UNC13C: variants seen among roughly 807,000 people sequenced by gnomAD.
The protein encoded by UNC13C is protein unc-13 homolog C.
In UNC13C, 174 loss-of-function variants were observed where a neutral mutation model predicts 245.4. The ratio of observed to expected loss-of-function variants is 0.71; its 90% confidence interval spans 0.63 to 0.80. The LOEUF is 0.80. UNC13C is among the 30% of genes least tolerant of loss of function. The probability of loss-of-function intolerance (pLI) is 0.00; values close to 1 mark genes in which losing one functional copy is unlikely to be tolerated. For synonymous variants in UNC13C, 992 were observed against 895.1 expected (o/e 1.11, Z -1.93); for missense variants, 2,829 against 2,602.9 (o/e 1.09, Z -1.89).
intron 13 of UNC13C, among the ~76,000 whole-genome samples, chr15:54,301,418 C>G (rs1451882684): frequency 6.6e-6 from 1 of 151,766 alleles, no homozygotes; most frequent in Non-Finnish European, 1.5e-5. Context: ...AGGTATTTCT[C>G]CTAATGCTAT....
At chr15:54,119,773 G>T (rs563777731) in intron 2 of UNC13C, among the ~76,000 whole-genome samples, 1 of 152,232 alleles carries the variant, frequency 6.6e-6, no homozygotes, top group East Asian at 1.9e-4. Flanking sequence ...ATACACAAAT[G>T]ATAAAAAAGC....
chr15:54,531,549 G>A (rs1191795951), intron 25 of UNC13C, among the ~76,000 whole-genome samples: 1 of 152,066 alleles, frequency 6.6e-6, no homozygotes, highest in Non-Finnish European at 1.5e-5. Flanking sequence ...AGGCAGTTGA[G>A]AAGGAGCAGC....
At chr15:54,049,618 A>G (rs1419431778) in intron 2 of UNC13C, 4 of 252,582 alleles carry the variant, frequency 1.6e-5, no homozygotes, top group African/African-American at 7.0e-5. Flanking sequence ...TTTCCACCAC[A>G]GGTGCAAAAA....
rs185635523 is a variant in UNC13C at position 54,192,147 on chromosome 15, A to G, written c.3072-42883A>G. ...TGTCCTGAATGATACTGTAAAGGCA[A>G]TTTCTTTATTCCTGAATTAGTTTTT... On this transcript the variant is annotated intron_variant, in intron 4 of 32. Coordinates refer to ENST00000260323, the MANE Select transcript of UNC13C (RefSeq NM_001080534.3). 2.6e-3 allele frequency among the ~76,000 whole-genome samples: 391 copies of G among 152,204 alleles called. 6 individuals are homozygous for G. Among genetic ancestry groups the G allele is most frequent in the Non-Finnish European group, 9.1e-4 (62 of 67,996 alleles).
At chr15:54,443,851 A>G (rs553833127) in intron 19 of UNC13C, among the ~76,000 whole-genome samples, 1 of 152,108 alleles carries the variant, frequency 6.6e-6, no homozygotes, top group African/African-American at 2.4e-5. Context: ...AAAATTTCAT[A>G]TACTGATGAG....
At chr15:54,487,178 T>C (rs1361017398) in intron 19 of UNC13C, among the ~76,000 whole-genome samples, 1 of 152,134 alleles carries the variant, frequency 6.6e-6, no homozygotes, top group African/African-American at 2.4e-5. Context: ...TCATTCCTGG[T>C]TTAATGAACC....
intron 4 of UNC13C, among the ~76,000 whole-genome samples, chr15:54,232,626 G>T (rs150351196): frequency 6.6e-6 from 1 of 152,232 alleles, no homozygotes; most frequent in African/African-American, 2.4e-5. Flanking sequence ...TTATAAATCA[G>T]TTTCTCAACC....
intron 23 of UNC13C, among the ~76,000 whole-genome samples, chr15:54,508,402 A>G (rs530351756): frequency 1.3e-5 from 2 of 152,226 alleles, no homozygotes; most frequent in African/African-American, 2.4e-5. Context: ...TTATGTATTA[A>G]CATTCTATAT....
chr15:54,537,726 A>G (rs904959917), intron 26 of UNC13C, among the ~76,000 whole-genome samples: 2 of 151,792 alleles, frequency 1.3e-5, no homozygotes, highest in African/African-American at 4.9e-5. Flanking sequence ...AAAAACAAGC[A>G]GGAAGGGAAA....
intron 28 of UNC13C, among the ~76,000 whole-genome samples, chr15:54,552,028 T>C (rs1412342752): frequency 6.6e-6 from 1 of 151,220 alleles, no homozygotes; most frequent in African/African-American, 2.4e-5. Flanking sequence ...ATTGTACTGA[T>C]AGAAAATTTC....
chr15:54,603,874 G>A (rs1242834713), intron 30 of UNC13C, among the ~76,000 whole-genome samples: 1 of 152,012 alleles, frequency 6.6e-6, no homozygotes, highest in Non-Finnish European at 1.5e-5. Flanking sequence ...CAAAACTTCT[G>A]TCTAGATAGA....
chr15:54,154,217 A>G (rs1477378410), intron 4 of UNC13C, among the ~76,000 whole-genome samples: 1 of 151,946 alleles, frequency 6.6e-6, no homozygotes, highest in African/African-American at 2.4e-5. Context: ...GGCCTCTGTT[A>G]TTCACCAATC....
At chr15:54,563,814 A>C (rs902118918) in intron 29 of UNC13C, among the ~76,000 whole-genome samples, 5 of 151,938 alleles carry the variant, frequency 3.3e-5, no homozygotes, top group Non-Finnish European at 2.9e-5. Flanking sequence ...GCCTCAGCAA[A>C]ATGCAGATTC....
chr15:54,407,190 G>A (rs530499117), intron 18 of UNC13C, among the ~76,000 whole-genome samples: 1 of 152,118 alleles, frequency 6.6e-6, no homozygotes, highest in South Asian at 2.1e-4. Flanking sequence ...TAATATAGAA[G>A]ATGTATCAGA....
chr15:54,025,607 A>G (rs560308530), intron 2 of UNC13C, among the ~76,000 whole-genome samples: 41 of 152,326 alleles, frequency 2.7e-4, no homozygotes, highest in African/African-American at 8.7e-4. Context: ...GCATTACCCC[A>G]TGCAGCCTAG....
At chr15:54,551,679 T>G (rs528285675) in intron 28 of UNC13C, among the ~76,000 whole-genome samples, 1 of 152,198 alleles carries the variant, frequency 6.6e-6, no homozygotes, top group Admixed American at 6.6e-5. Flanking sequence ...TGAAATAACA[T>G]GAAGGACTAA....
chr15:53,957,732 A>G, the UNC13C span, among the ~76,000 whole-genome samples: 1 of 152,148 alleles, frequency 6.6e-6, no homozygotes, highest in Non-Finnish European at 1.5e-5. Context: ...TAAGTACGGG[A>G]AAGAGAGGAG....
At chr15:53,988,336 G>A (rs1184864945) in intron 1 of UNC13C, among the ~76,000 whole-genome samples, 1 of 151,870 alleles carries the variant, frequency 6.6e-6, no homozygotes, top group African/African-American at 2.4e-5. Context: ...GAAAGAAGAG[G>A]GGATGATATG....
intron 17 of UNC13C, among the ~76,000 whole-genome samples, chr15:54,364,322 C>T (rs1286095235): frequency 6.6e-6 from 1 of 151,802 alleles, no homozygotes; most frequent in Non-Finnish European, 1.5e-5. Flanking sequence ...AATTTAATTG[C>T]ATGAAAATAG....
Sources: gnomAD v4.1 joint callset for allele counts (sites outside exome capture counted in the v4.1 genomes callset) on GRCh38, gnomAD v4.1.1 for gene constraint, MANE v1.5 for transcripts, NCBI Gene and HGNC (gene_info 2026-07-23, HGNC 2026-07-21) for gene names.